The following KIAA0930 variants were observed in gnomAD, a reference collection of about 807,000 sequenced individuals.
KIAA0930 encodes KIAA0930.
Under a neutral mutation model 43.9 loss-of-function variants are expected in KIAA0930, and 24 were observed. That is an observed-to-expected ratio of 0.55 (90% confidence interval 0.40 to 0.77). KIAA0930 has a LOEUF of 0.77. KIAA0930 is among the 30% of genes least tolerant of loss of function. The pLI, the probability that KIAA0930 is intolerant of heterozygous loss-of-function variation, is 0.00. For missense variants in KIAA0930, 461 were observed against 574.2 expected, an observed-to-expected ratio of 0.80 and a Z score of 2.02; for synonymous variants, 259 against 216.4, an observed-to-expected ratio of 1.20 and a Z score of -1.73.
chr22:45,197,222 G>C lies in KIAA0930; in HGVS notation c.1175-6C>G, dbSNP rs371566329. The C allele has an allele frequency of 6.5e-7, 1 of 1,550,170 alleles. No individual in the cohort carries two copies. Among genetic ancestry groups the C allele is most frequent in the Non-Finnish European group, 8.7e-7 (1 of 1,146,214 alleles). On this transcript the variant is annotated splice_polypyrimidine_tract_variant and splice_region_variant and intron_variant, in intron 9 of 9. Transcript: ENST00000336156. ...CTGCCGAACTTCCAGGATGTCTAGG[G>C]CCGGCAGGAGGGAAGCAGGTGAAAC...
At chr22:45,221,485 G>A (rs538343619) in intron 1 of KIAA0930, among the ~76,000 whole-genome samples, 20 of 152,292 alleles carry the variant, frequency 1.3e-4, no homozygotes, top group South Asian at 6.2e-4. Flanking sequence ...ATGTTTTCAC[G>A]CAGATGCCCT....
chr22:45,201,263 G>T (rs1441799496), intron 7 of KIAA0930, among the ~76,000 whole-genome samples: 1 of 152,226 alleles, frequency 6.6e-6, no homozygotes, highest in African/African-American at 2.4e-5. Flanking sequence ...AAGGAGACAG[G>T]TAATAGCAGG....
At chr22:45,221,381 G>A (rs1490636613) in intron 1 of KIAA0930, among the ~76,000 whole-genome samples, 6 of 152,192 alleles carry the variant, frequency 3.9e-5, no homozygotes, top group African/African-American at 1.4e-4. Context: ...AAATGGACAT[G>A]GCTATGTTCC....
chr22:45,204,033 G>A (rs773088314), intron 5 of KIAA0930, 48 bp from the exon 6 acceptor site: 59 of 1,609,652 alleles, frequency 3.7e-5, no homozygotes, highest in Non-Finnish European at 4.5e-5. Flanking sequence ...AGCTCCCACC[G>A]CCCACACCAC....
At position 45,212,119 on chromosome 22, in the gene KIAA0930, G is replaced by C. The variant is rs773752530; in HGVS notation, c.65-12C>G. 2 of 1,613,672 alleles carry C rather than the reference G, an allele frequency of 1.2e-6. No homozygotes were observed. Among genetic ancestry groups the C allele is most frequent in the African/African-American group, 2.7e-5 (2 of 74,952 alleles). On this transcript the variant is annotated splice_polypyrimidine_tract_variant and intron_variant, in intron 1 of 9. Coordinates refer to ENST00000336156, the MANE Select transcript of KIAA0930 (RefSeq NM_001009880.2). Reference sequence around the variant, plus strand: ...ATCCTTGAAGCACCCTGCAGAGGGAGGCCAGACAGGAGTGAGGAAGGACGG... The same window carrying C: ...ATCCTTGAAGCACCCTGCAGAGGGACGCCAGACAGGAGTGAGGAAGGACGG...
At position 45,210,343 on chromosome 22, in the gene KIAA0930, G is replaced by A. The variant is rs569396595; in HGVS notation, c.216+1613C>T. Among the ~76,000 whole-genome samples, 4 of 152,298 alleles carry A rather than the reference G, an allele frequency of 2.6e-5. 1 individual carries two copies. Among genetic ancestry groups the A allele is most frequent in the South Asian group, 2.1e-4 (1 of 4,830 alleles). ...CGAGTTCCGGTTCCCATGGGTGAGAGGAGTCCCTCCCCCAGAACTGTGCAG... is the reference window on the plus strand; with the variant it reads ...CGAGTTCCGGTTCCCATGGGTGAGAAGAGTCCCTCCCCCAGAACTGTGCAG... On this transcript the variant is annotated intron_variant, in intron 2 of 9. Coordinates refer to ENST00000336156, the MANE Select transcript of KIAA0930 (RefSeq NM_001009880.2).
At chr22:45,206,189 A>C (rs1204850847) in intron 2 of KIAA0930, among the ~76,000 whole-genome samples, 1 of 151,906 alleles carries the variant, frequency 6.6e-6, no homozygotes, top group East Asian at 1.9e-4. Flanking sequence ...CTAATTTTTA[A>C]AACTTTTTGT....
intron 1 of KIAA0930, among the ~76,000 whole-genome samples, chr22:45,224,783 A>G (rs2083788578): frequency 1.3e-5 from 2 of 152,092 alleles, no homozygotes; most frequent in Non-Finnish European, 2.9e-5. Context: ...GGGGAAGATG[A>G]GTGAGGCCAG....
At chr22:45,230,945 T>A (rs767761563) in intron 1 of KIAA0930, among the ~76,000 whole-genome samples, 12 of 151,632 alleles carry the variant, frequency 7.9e-5, no homozygotes, top group Non-Finnish European at 1.6e-4. Flanking sequence ...AAACCTAGCA[T>A]AGAAAATAAA....
intron 1 of KIAA0930, among the ~76,000 whole-genome samples, chr22:45,226,576 A>G (rs762640585): frequency 2.0e-5 from 3 of 152,022 alleles, no homozygotes; most frequent in South Asian, 2.1e-4. Flanking sequence ...GACAGTTTCA[A>G]TATCTCCTAA....
At chr22:45,229,677 T>C (rs1278108405) in intron 1 of KIAA0930, among the ~76,000 whole-genome samples, 1 of 152,140 alleles carries the variant, frequency 6.6e-6, no homozygotes, top group African/African-American at 2.4e-5. Context: ...CCAGGCCAAG[T>C]GTGGAGGGGA....
At chr22:45,212,653 C>G (rs568298925) in intron 1 of KIAA0930, among the ~76,000 whole-genome samples, 4 of 152,400 alleles carry the variant, frequency 2.6e-5, no homozygotes, top group Admixed American at 2.0e-4. Flanking sequence ...CCCTGCCCCA[C>G]GTCTGCGCAG....
intron 1 of KIAA0930, among the ~76,000 whole-genome samples, chr22:45,219,212 T>G (rs1361809366): frequency 6.6e-6 from 1 of 152,062 alleles, no homozygotes; most frequent in Non-Finnish European, 1.5e-5. Flanking sequence ...ATCAGTAAAA[T>G]CAGAACAGCT....
chr22:45,233,472 C>T (rs75427783), intron 1 of KIAA0930, among the ~76,000 whole-genome samples: 1 of 152,140 alleles, frequency 6.6e-6, no homozygotes, highest in Non-Finnish European at 1.5e-5. Context: ...GGTGGGAAAG[C>T]TCCCCTCAGC....
At chr22:45,213,192 G>T in intron 1 of KIAA0930, 1 of 727,754 alleles carries the variant, frequency 1.4e-6, no homozygotes, top group Non-Finnish European at 2.0e-6. Flanking sequence ...GAACACCCCA[G>T]CCTTGGTTGA....
intron 5 of KIAA0930, 95 bp from the exon 6 acceptor site, chr22:45,204,080 A>C: frequency 1.3e-6 from 2 of 1,535,214 alleles, no homozygotes; most frequent in African/African-American, 1.4e-5. Flanking sequence ...TGCTCAGAAA[A>C]CCCCATTTTG....
At chr22:45,219,936 AG>A (rs1210090352) in intron 1 of KIAA0930, among the ~76,000 whole-genome samples, 2 of 152,150 alleles carry the variant, frequency 1.3e-5, no homozygotes, top group Non-Finnish European at 2.9e-5. Context: ...TTCAGGAAAC[AG>A]ACAGCTAGCT....
chr22:45,238,897 T>TCTCTCTCTCACC (rs1569087823), intron 1 of KIAA0930, among the ~76,000 whole-genome samples: 1 of 151,502 alleles, frequency 6.6e-6, no homozygotes, highest in African/African-American at 2.4e-5. Flanking sequence ...TCTCTCTCTC[T>TCTCTCTCTCACC]CTCTCACCCT....
In KIAA0930 at chr22:45,196,918, G is replaced by C. The variant is rs1259923945; in HGVS notation, c.*258C>G. 2 of 463,572 alleles carry C rather than the reference G, an allele frequency of 4.3e-6. No individual in the cohort carries two copies. Among genetic ancestry groups the C allele is most frequent in the Non-Finnish European group, 7.6e-6 (2 of 262,288 alleles). The allele number at this position is 463,572 out of a possible 1,614,324, so 28.7% of individuals were successfully genotyped here. A position where few individuals can be genotyped will look rare whatever the true frequency, so the allele number is the denominator to read the frequency against. ...ATCTCTAGTCCTCTTTGGGTGCAGA[G>C]GGCTCTCCAGAGATGGGTGGGGGGC... is the stretch of plus-strand genomic sequence containing the variant. On this transcript the variant is annotated 3_prime_UTR_variant, in exon 10 of 10. Transcript: ENST00000336156. This position sits in a 1 kb window ranked among gnomAD's most constrained non-coding sequence, Gnocchi z 4.1.
Sources: gnomAD v4.1 joint callset for allele counts (sites outside exome capture counted in the v4.1 genomes callset) on GRCh38, gnomAD v4.1.1 for gene constraint, Gnocchi (gnomAD v3.1) non-coding constraint, MANE v1.5 for transcripts, NCBI Gene and HGNC (gene_info 2026-07-23, HGNC 2026-07-21) for gene names.